HHAT: variants seen among roughly 807,000 people sequenced by gnomAD.
HHAT encodes the protein protein-cysteine N-palmitoyltransferase HHAT.
HHAT carries 47 observed loss-of-function variants against 70.8 expected under a neutral mutation model. The observed-to-expected ratio is 0.66, with a 90% CI of 0.53 to 0.85. HHAT has a LOEUF of 0.85. Ranked by LOEUF, HHAT falls within the 40% of genes least tolerant of loss-of-function variation. HHAT has a pLI of 0.00. For missense variants in HHAT, 609 were observed against 604.8 expected, an observed-to-expected ratio of 1.01 and a Z score of -0.07; for synonymous variants, 228 against 247.6, an observed-to-expected ratio of 0.92 and a Z score of 0.74.
intron 2 of HHAT, among the ~76,000 whole-genome samples, chr1:210,360,300 T>C (rs1571869298): frequency 7.0e-6 from 1 of 143,460 alleles, no homozygotes; most frequent in Admixed American, 6.9e-5. Context: ...AAGGTTGTTT[T>C]TGTGTTTTTT....
chr1:210,639,776 C>T (rs759447328), intron 11 of HHAT, among the ~76,000 whole-genome samples: 50 of 152,158 alleles, frequency 3.3e-4, no homozygotes, highest in Non-Finnish European at 6.2e-4. Context: ...TTTGTGTCAT[C>T]GTTAGTATGA....
intron 6 of HHAT, among the ~76,000 whole-genome samples, chr1:210,416,502 C>T (rs926580): frequency 0.98 from 149,778 of 152,356 alleles, 73,639 homozygotes; most frequent in East Asian, 1. Context: ...TAAGGCTGAA[C>T]GAAATTGAAT....
chr1:210,386,333 G>T (rs2148137560), intron 3 of HHAT, among the ~76,000 whole-genome samples: 1 of 140,872 alleles, frequency 7.1e-6, no homozygotes, highest in South Asian at 2.3e-4. Context: ...CCGCCTCCCG[G>T]GTTCACGCCA....
At chr1:210,609,928 A>C (rs532239644) in intron 10 of HHAT, among the ~76,000 whole-genome samples, 1 of 152,218 alleles carries the variant, frequency 6.6e-6, no homozygotes, top group South Asian at 2.1e-4. Context: ...GGGCGTTTAG[A>C]TTGACTCCAT....
At chr1:210,603,114 T>G (rs930271811) in intron 10 of HHAT, among the ~76,000 whole-genome samples, 6 of 152,212 alleles carry the variant, frequency 3.9e-5, no homozygotes, top group Admixed American at 3.3e-4. Context: ...TTCTGCTGCC[T>G]TTGCTCGGCT....
At chr1:210,340,258 AAAAAAAAAAAG>A (rs2085918073) in intron 1 of HHAT, among the ~76,000 whole-genome samples, 1 of 150,916 alleles carries the variant, frequency 6.6e-6, no homozygotes, top group African/African-American at 2.4e-5. Flanking sequence ...AAAAAAAAAA[AAAAAAAAAAAG>A]ACTCAAGTGG....
At chr1:210,499,644 CAA>C (rs5780584) in intron 8 of HHAT, among the ~76,000 whole-genome samples, 36,321 of 148,518 alleles carry the variant, frequency 0.24, 4,693 homozygotes, top group East Asian at 0.57. Flanking sequence ...CTTTCTCTCT[CAA>C]AAAAAAAAAA....
intron 8 of HHAT, among the ~76,000 whole-genome samples, chr1:210,500,969 C>G (rs1405478861): frequency 6.6e-6 from 1 of 152,238 alleles, no homozygotes; most frequent in Non-Finnish European, 1.5e-5. Context: ...AGAGCATCAG[C>G]TCCTCTGGGA....
intron 11 of HHAT, among the ~76,000 whole-genome samples, chr1:210,635,627 C>G (rs1362843276): frequency 6.6e-6 from 1 of 152,152 alleles, no homozygotes; most frequent in Non-Finnish European, 1.5e-5. Flanking sequence ...TTTAGGGAAT[C>G]TGTTAAGTCT....
chr1:210,624,959 G>C (rs1195884529), intron 11 of HHAT, among the ~76,000 whole-genome samples: 4 of 152,204 alleles, frequency 2.6e-5, no homozygotes, highest in Non-Finnish European at 4.4e-5. Flanking sequence ...GGAGGCAGCG[G>C]TGCTTTTGCT....
At chr1:210,632,325 G>T (rs1309135573) in intron 11 of HHAT, among the ~76,000 whole-genome samples, 1 of 152,208 alleles carries the variant, frequency 6.6e-6, no homozygotes, top group Non-Finnish European at 1.5e-5. Flanking sequence ...CGAGTATGCG[G>T]ACACACAAGA....
chr1:210,394,881 A>G (rs535885183), intron 4 of HHAT, among the ~76,000 whole-genome samples: 48 of 152,272 alleles, frequency 3.2e-4, no homozygotes, highest in Non-Finnish European at 6.5e-4. Context: ...CTAAGGAGGG[A>G]TGAAATTCCT....
intron 8 of HHAT, among the ~76,000 whole-genome samples, chr1:210,510,501 T>C (rs1333038060): frequency 6.6e-6 from 1 of 152,138 alleles, no homozygotes; most frequent in Non-Finnish European, 1.5e-5. Flanking sequence ...GCAGGTGGGC[T>C]TCCCTGGAGC....
intron 7 of HHAT, among the ~76,000 whole-genome samples, chr1:210,457,977 G>A (rs552970344): frequency 4.8e-4 from 73 of 152,294 alleles, no homozygotes; most frequent in African/African-American, 1.8e-3. Flanking sequence ...ATGAGTAGTA[G>A]AAATGTTAGT....
rs1334866472 is a variant in HHAT, at chr1:210,443,451, A to G, written c.857-21054A>G. Among the ~76,000 whole-genome samples the G allele has an allele frequency of 2.7e-5, 4 of 148,132 alleles. No individual in the cohort carries two copies. The Admixed American group carries it at 2.8e-4, about 10-fold the overall frequency. ...TACCTTGGGCAGTATGGCCATTTTC[A>G]TGATATGGATTCTTCCTACCCATGA... On this transcript the variant is annotated intron_variant, in intron 7 of 11. Transcript: ENST00000261458.
intron 10 of HHAT, among the ~76,000 whole-genome samples, chr1:210,610,554 A>G (rs1006213306): frequency 2.0e-5 from 3 of 152,060 alleles, no homozygotes; most frequent in Non-Finnish European, 4.4e-5. Context: ...CTTTCGTTGC[A>G]ATTGCTTTTG....
chr1:210,436,728 C>A (rs1036032417), intron 7 of HHAT, among the ~76,000 whole-genome samples: 1 of 151,746 alleles, frequency 6.6e-6, no homozygotes, highest in Admixed American at 6.6e-5. Flanking sequence ...AGGTGATACC[C>A]CACAAAATCC....
Position 210,362,955 on chromosome 1 carries a change from A to G in HHAT, c.159+36A>G, listed in dbSNP as rs374258258. The G allele has an allele frequency of 2.2e-5, 33 of 1,472,010 alleles. No individual in the cohort carries two copies. The African/African-American group carries it at 4.0e-4, about 18-fold the overall frequency. 91.2% of individuals were successfully genotyped at this position (1,472,010 alleles called of 1,614,324 possible). A position where few individuals can be genotyped will look rare whatever the true frequency, so the allele number is the denominator to read the frequency against. On this transcript the variant is annotated intron_variant, in intron 3 of 11. Coordinates refer to ENST00000261458, the MANE Select transcript of HHAT (RefSeq NM_018194.6). ...GATGCATAATAAATCTCAGTTTTCA[A>G]ACCTGATTTCAATATTTCACATCAC...
At chr1:210,413,867 C>T (rs912434166) in intron 6 of HHAT, among the ~76,000 whole-genome samples, 5 of 152,170 alleles carry the variant, frequency 3.3e-5, no homozygotes, top group Non-Finnish European at 5.9e-5. Context: ...CTTAAAGATC[C>T]ATTTACAGCA....
Sources: allele counts gnomAD v4.1 joint callset (sites outside exome capture counted in the v4.1 genomes callset), GRCh38; gene constraint gnomAD v4.1.1; transcripts MANE v1.5; gene names NCBI Gene and HGNC (gene_info 2026-07-23, HGNC 2026-07-21).